Variants in TMEM135 observed in about 807,000 individuals in gnomAD.
The protein encoded by TMEM135 is transmembrane protein 135, also known as peroxisomal membrane protein 52.
In TMEM135, 30 loss-of-function variants were observed where a neutral mutation model predicts 60.3. That is an observed-to-expected ratio of 0.50 (90% confidence interval 0.37 to 0.68). TMEM135 has a LOEUF of 0.68. Ranked by LOEUF, TMEM135 falls within the 30% of genes least tolerant of loss-of-function variation. TMEM135 has a pLI of 0.00. For synonymous variants in TMEM135, 190 were observed against 186.7 expected (o/e 1.02, Z -0.14); for missense variants, 468 against 548.8 (o/e 0.85, Z 1.47).
Position 87,079,474 on chromosome 11 carries a change from C to A in TMEM135, c.362+7859C>A, listed in dbSNP as rs79618767. Among the ~76,000 whole-genome samples, 1,507 of 152,066 alleles carry A rather than the reference C, an allele frequency of 9.9e-3. 29 individuals carry two copies. Among genetic ancestry groups the A allele is most frequent in the African/African-American group, 0.035 (1,446 of 41,478 alleles). On this transcript the variant is annotated intron_variant, in intron 3 of 14. Coordinates refer to ENST00000305494, the MANE Select transcript of TMEM135 (RefSeq NM_022918.4). ...TATAGTAGATTTTTTTGTGTTTTAT[C>A]TTGACTTCTGTGACCTTGCTGAATT...
At chr11:87,083,999 T>C (rs983349364) in intron 3 of TMEM135, among the ~76,000 whole-genome samples, 13 of 152,084 alleles carry the variant, frequency 8.5e-5, no homozygotes, top group African/African-American at 2.9e-4. Context: ...TATATACATA[T>C]TTAGAATTTA....
chr11:87,278,558 G>A (rs1320214434), intron 6 of TMEM135, among the ~76,000 whole-genome samples: 2 of 151,924 alleles, frequency 1.3e-5, no homozygotes, highest in Admixed American at 6.6e-5. Flanking sequence ...TAGAGACAAG[G>A]TTTCACCACA....
chr11:87,168,094 C>T (rs1229119917), intron 5 of TMEM135, among the ~76,000 whole-genome samples: 1 of 152,166 alleles, frequency 6.6e-6, no homozygotes, highest in Non-Finnish European at 1.5e-5. Flanking sequence ...AGTTTATTTG[C>T]ATAGAGGTGT....
intron 9 of TMEM135, among the ~76,000 whole-genome samples, chr11:87,308,396 C>G (rs1285080494): frequency 6.6e-6 from 1 of 152,124 alleles, no homozygotes; most frequent in Non-Finnish European, 1.5e-5. Context: ...TTCAGTTAAG[C>G]AAATGCTTGA....
intron 4 of TMEM135, among the ~76,000 whole-genome samples, chr11:87,099,973 G>A (rs374961763): frequency 6.6e-6 from 1 of 152,014 alleles, no homozygotes; most frequent in Non-Finnish European, 1.5e-5. Flanking sequence ...GAGCCACCAA[G>A]TTTAGTTTTT....
intron 5 of TMEM135, among the ~76,000 whole-genome samples, chr11:87,191,992 T>TTC: frequency 7.7e-6 from 1 of 130,380 alleles, no homozygotes; most frequent in East Asian, 2.1e-4. Flanking sequence ...CTTTTCTTTT[T>TTC]TTTTTTTTTT....
intron 8 of TMEM135, among the ~76,000 whole-genome samples, chr11:87,305,198 C>T (rs937503728): frequency 1.7e-4 from 26 of 152,104 alleles, no homozygotes; most frequent in Admixed American, 1.6e-3. Context: ...ATGACTTTTG[C>T]TCAAGTACTG....
chr11:87,253,763 G>T, intron 6 of TMEM135, among the ~76,000 whole-genome samples: 1 of 149,052 alleles, frequency 6.7e-6, no homozygotes, highest in Admixed American at 6.8e-5. Context: ...ACATCAAATT[G>T]GCACTGTGTA....
chr11:87,314,423 A>G (rs747230671), intron 11 of TMEM135, 48 bp from the exon 12 acceptor site: 2 of 1,490,206 alleles, frequency 1.3e-6, no homozygotes, highest in Non-Finnish European at 1.9e-6. Flanking sequence ...CATAATAACA[A>G]ATAAATACTC....
chr11:87,290,921 A>G lies in TMEM135; in HGVS notation c.510-4861A>G, dbSNP rs188482376. 1.4e-4 allele frequency among the ~76,000 whole-genome samples: 21 copies of G among 152,310 alleles called. No individual in the cohort carries two copies. The East Asian group carries it at 4.0e-3, about 29-fold the overall frequency. Reference sequence around the variant, plus strand: ...TATATGAGTTAAATGCATTATTTTTATGTGCACTTGAAAATAAAAATGAGA... The same window carrying G: ...TATATGAGTTAAATGCATTATTTTTGTGTGCACTTGAAAATAAAAATGAGA... On this transcript the variant is annotated intron_variant, in intron 6 of 14. Coordinates refer to ENST00000305494, the MANE Select transcript of TMEM135 (RefSeq NM_022918.4).
chr11:87,152,064 CTGGCTTTCTGG>C (rs1452371984), intron 4 of TMEM135, among the ~76,000 whole-genome samples: 6 of 152,184 alleles, frequency 3.9e-5, no homozygotes, highest in African/African-American at 1.4e-4. Flanking sequence ...TACCTGCATT[CTGGCTTTCTGG>C]TGCCTTTCTA....
intron 5 of TMEM135, among the ~76,000 whole-genome samples, chr11:87,201,916 T>C (rs1344775772): frequency 2.6e-5 from 4 of 152,136 alleles, no homozygotes; most frequent in Non-Finnish European, 5.9e-5. Flanking sequence ...CACACACACA[T>C]ACACATATAT....
At chr11:87,042,897 G>A (rs1008561271) in intron 1 of TMEM135, among the ~76,000 whole-genome samples, 2 of 148,712 alleles carry the variant, frequency 1.3e-5, no homozygotes, top group African/African-American at 5.0e-5. Flanking sequence ...GAATCTTTGT[G>A]TTTTCACAAT....
chr11:87,093,552 A>G (rs1857256472), intron 4 of TMEM135, among the ~76,000 whole-genome samples: 1 of 151,074 alleles, frequency 6.6e-6, no homozygotes, highest in East Asian at 2.0e-4. Flanking sequence ...ATTTTTTGAG[A>G]TGGAGTCTCG....
intron 6 of TMEM135, among the ~76,000 whole-genome samples, chr11:87,251,139 G>T (rs762544810): frequency 3.3e-5 from 5 of 152,136 alleles, no homozygotes; most frequent in Non-Finnish European, 2.9e-5. Flanking sequence ...GAGAAATAAT[G>T]GGTAACAGTT....
intron 12 of TMEM135, among the ~76,000 whole-genome samples, chr11:87,315,821 T>C (rs1942719133): frequency 6.6e-6 from 1 of 152,032 alleles, no homozygotes; most frequent in South Asian, 2.1e-4. Context: ...TAAAGTATCA[T>C]TATGAAGATT....
Position 87,328,390 on chromosome 11 carries a change from A to T in TMEM135, c.*7057A>T, listed in dbSNP as rs1474315904. On this transcript the variant is annotated 3_prime_UTR_variant, in exon 15 of 15. Transcript: ENST00000305494. The stretch of plus-strand genomic sequence containing the variant: ...TTTTTATTTCAGTAGCTTTTGGGGT[A>T]CAAGTGGTTTTTGGTTGCATGGATG... 2.2e-6 allele frequency: 1 copy of T among 454,096 alleles called. No individual in the cohort carries two copies. The highest frequency in any genetic ancestry group is 2.3e-5 in the Admixed American group (1 of 42,556). The allele number at this position is 454,096 out of a possible 1,614,324, so 28.1% of individuals were successfully genotyped here.
intron 7 of TMEM135, among the ~76,000 whole-genome samples, chr11:87,300,618 A>T (rs1942427690): frequency 6.6e-6 from 1 of 152,230 alleles, no homozygotes; most frequent in Non-Finnish European, 1.5e-5. Context: ...GTCGTATAAG[A>T]TATGCTCAGA....
intron 5 of TMEM135, among the ~76,000 whole-genome samples, chr11:87,162,895 T>A (rs948932469): frequency 5.9e-5 from 9 of 152,174 alleles, no homozygotes; most frequent in African/African-American, 1.9e-4. Context: ...GTTTCCTGAC[T>A]TTTTAATGAT....
Sources: gnomAD v4.1 joint callset for allele counts (sites outside exome capture counted in the v4.1 genomes callset) on GRCh38, gnomAD v4.1.1 for gene constraint, MANE v1.5 for transcripts, NCBI Gene and HGNC (gene_info 2026-07-23, HGNC 2026-07-21) for gene names.